The following TG variants were observed in gnomAD, a reference collection of about 807,000 sequenced individuals.
TG encodes thyroglobulin.
A neutral mutation model predicts 324.7 loss-of-function variants in TG; 270 were observed. That is an observed-to-expected ratio of 0.83 (90% CI 0.75 to 0.92). The LOEUF is 0.92. Among genes scored for constraint, TG ranks in the 40% least tolerant of loss-of-function variants. The probability of loss-of-function intolerance (pLI) is 0.00; values close to 1 mark genes in which losing one functional copy is unlikely to be tolerated. For synonymous variants in TG, 1,401 were observed against 1,327.0 expected (o/e 1.06, Z -1.21); for missense variants, 3,591 against 3,456.4 (o/e 1.04, Z -0.98).
chr8:132,996,390 A>C (rs1832888652), intron 35 of TG, among the ~76,000 whole-genome samples: 1 of 152,208 alleles, frequency 6.6e-6, no homozygotes, highest in African/African-American at 2.4e-5. Flanking sequence ...ATAAATTAGC[A>C]TTCTATTGCT....
chr8:132,972,569 G>GTTT (rs150963971), intron 33 of TG, 29 bp from the exon 34 acceptor site: 14,704 of 1,425,834 alleles, frequency 0.01, 560 homozygotes, highest in African/African-American at 0.02. Flanking sequence ...CCTGATTGTG[G>GTTT]TTTTTTGTTT....
chr8:132,974,700 G>C (rs1403484), intron 34 of TG, among the ~76,000 whole-genome samples: 37,521 of 152,148 alleles, frequency 0.25, 5,303 homozygotes, highest in African/African-American at 0.36. Context: ...TTGACTAACA[G>C]ATTAAAAAGA....
intron 27 of TG, among the ~76,000 whole-genome samples, chr8:132,957,742 TACACACAC>T (rs6150825): frequency 1.2e-4 from 5 of 41,586 alleles, no homozygotes; most frequent in African/African-American, 1.6e-4. Context: ...CATGGTAAAC[TACACACAC>T]ACACACACAC....
intron 20 of TG, among the ~76,000 whole-genome samples, chr8:132,914,383 G>T (rs1367196301): frequency 6.6e-6 from 1 of 152,110 alleles, no homozygotes; most frequent in Non-Finnish European, 1.5e-5. Context: ...TATTTATGTT[G>T]GTCGCAACAT....
At chr8:132,942,967 G>C (rs1225834890) in intron 26 of TG, among the ~76,000 whole-genome samples, 1 of 152,214 alleles carries the variant, frequency 6.6e-6, no homozygotes, top group Non-Finnish European at 1.5e-5. Context: ...GAGCTGATCA[G>C]GAAGCAGGTG....
At chr8:132,941,625 C>A in intron 26 of TG, 83 bp downstream of exon 26, 1 of 1,527,044 alleles carries the variant, frequency 6.5e-7, no homozygotes, top group East Asian at 2.3e-5. Context: ...CAACATGGAG[C>A]TGCATGGGGA....
At chr8:132,949,023 C>T in intron 27 of TG, 80 bp downstream of exon 27, 1 of 1,380,140 alleles carries the variant, frequency 7.2e-7, no homozygotes, top group Non-Finnish European at 1.0e-6. Context: ...TCTTATGAGC[C>T]CTCCTTGTGG....
At chr8:132,869,315 A>G (rs1839256781) in intron 2 of TG, among the ~76,000 whole-genome samples, 1 of 152,196 alleles carries the variant, frequency 6.6e-6, no homozygotes. Context: ...GTGCTTCCCA[A>G]TATACCCTGC....
chr8:133,070,268 G>A (rs1843800015), intron 41 of TG, among the ~76,000 whole-genome samples: 1 of 152,124 alleles, frequency 6.6e-6, no homozygotes, highest in Non-Finnish European at 1.5e-5. Flanking sequence ...GGTCTCATAA[G>A]CCAGCACAGG....
At chr8:133,006,903 G>A (rs1002800804) in intron 35 of TG, among the ~76,000 whole-genome samples, 7 of 152,190 alleles carry the variant, frequency 4.6e-5, no homozygotes, top group African/African-American at 1.4e-4. Context: ...TTTAAAATGT[G>A]TATTAGAATG....
chr8:132,901,931 T>G (rs1210129752), intron 16 of TG, among the ~76,000 whole-genome samples: 1 of 152,166 alleles, frequency 6.6e-6, no homozygotes, highest in Non-Finnish European at 1.5e-5. Flanking sequence ...TTTGTGGAGG[T>G]GTTGACTTGT....
rs566512907 is a variant in TG, at chr8:132,987,171, G to A, written c.6262+3759G>A. Reference sequence around the variant, plus strand: ...ATGAGATGTCACAGTGCTTGTAAGTGTCTTGTTAACAAGTATGATTTAAAA... The same window carrying A: ...ATGAGATGTCACAGTGCTTGTAAGTATCTTGTTAACAAGTATGATTTAAAA... On this transcript the variant is annotated intron_variant, in intron 35 of 47. Transcript: ENST00000220616. Among the ~76,000 whole-genome samples the A allele has an allele frequency of 9.8e-5, 15 of 152,336 alleles. No homozygotes were observed. The South Asian group carries it at 2.3e-3, about 23-fold the overall frequency.
intron 24 of TG, among the ~76,000 whole-genome samples, chr8:132,935,056 A>G (rs1231098687): frequency 6.6e-6 from 1 of 152,034 alleles, no homozygotes; most frequent in Non-Finnish European, 1.5e-5. Flanking sequence ...AGTTCTGAAA[A>G]CACCCATGAA....
At chr8:133,024,623 A>G (rs1835906912) in intron 40 of TG, among the ~76,000 whole-genome samples, 1 of 146,706 alleles carries the variant, frequency 6.8e-6, no homozygotes, top group Admixed American at 7.0e-5. Context: ...ATGTATTCTC[A>G]GTGTTCAACT....
At chr8:132,889,142 A>T (rs1815862935) in intron 10 of TG, among the ~76,000 whole-genome samples, 1 of 152,208 alleles carries the variant, frequency 6.6e-6, no homozygotes, top group East Asian at 1.9e-4. Context: ...CTTATGGGAA[A>T]GCTATGATAT....
chr8:132,948,922 G>A lies in TG; in HGVS notation c.5380G>A (p.Gly1794Arg). 1 of 1,613,822 alleles carries A rather than the reference G, an allele frequency of 6.2e-7. No individual in the cohort carries two copies. The highest frequency in any genetic ancestry group is 8.5e-7 in the Non-Finnish European group (1 of 1,180,020). The change falls in exon 27 of 48, where the codon GGA becomes AGA. Residue 1794 changes from glycine (G) to arginine (R), a missense_variant. Transcript: ENST00000220616. ...GAGCCACCAGGTGATATTGCGTCTT[G>A]GAGACCAGGAGTTCATCAAGAGTAA... ...QESHQVILRL[G>R]DQEFIKSLTP...
chr8:132,888,970 A>G (rs1815832626), intron 10 of TG, among the ~76,000 whole-genome samples: 1 of 152,194 alleles, frequency 6.6e-6, no homozygotes, highest in Non-Finnish European at 1.5e-5. Context: ...TAATTGACCA[A>G]TGAATATTAC....
Position 133,132,016 on chromosome 8 carries a change from A to G in TG, c.7997+70A>G, listed in dbSNP as rs1851982882. The G allele has an allele frequency of 3.1e-6, 5 of 1,604,938 alleles. No homozygotes were observed. The South Asian group carries it at 5.5e-5, about 18-fold the overall frequency. On this transcript the variant is annotated intron_variant, in intron 46 of 47. Coordinates refer to ENST00000220616, the MANE Select transcript of TG (RefSeq NM_003235.5). ...CTCCCGCTTCCTTCAAGCAGAACGC[A>G]AAGGCCCAATTTGCATCGATAGACT...
At chr8:133,104,173 T>A (rs1319659867) in intron 43 of TG, among the ~76,000 whole-genome samples, 1 of 151,994 alleles carries the variant, frequency 6.6e-6, no homozygotes, top group African/African-American at 2.4e-5. Context: ...GGAGATCCAG[T>A]GGCCAGTGGA....
Sources: allele counts gnomAD v4.1 joint callset (sites outside exome capture counted in the v4.1 genomes callset), GRCh38; gene constraint gnomAD v4.1.1; transcripts MANE v1.5; gene names NCBI Gene and HGNC (gene_info 2026-07-23, HGNC 2026-07-21).